Variants in GLI2 observed in about 807,000 individuals in gnomAD.
GLI2 encodes transcription activator GLI2.
A neutral mutation model predicts 78.9 loss-of-function variants in GLI2; 22 were observed. The ratio of observed to expected loss-of-function variants is 0.28; its 90% CI spans 0.20 to 0.40. The LOEUF is 0.40. GLI2 is among the 10% of genes least tolerant of loss of function. GLI2 has a pLI of 1.00. For synonymous variants in GLI2, 974 were observed against 963.7 expected (o/e 1.01, Z -0.20); for missense variants, 2,097 against 2,213.2 (o/e 0.95, Z 1.05).
chr2:120,991,710 C>T lies in GLI2; in HGVS notation c.*1035C>T, dbSNP rs1290613403. ...CCAGGGCCTGACGGCAGCCCGGTCCCCCAGCACTCACCAGCAGCCCAGTGT... is the reference window on the plus strand; with the variant it reads ...CCAGGGCCTGACGGCAGCCCGGTCCTCCAGCACTCACCAGCAGCCCAGTGT... On this transcript the variant is annotated 3_prime_UTR_variant, in exon 14 of 14. Coordinates refer to ENST00000361492, the MANE Select transcript of GLI2 (RefSeq NM_001374353.1). 6.5e-6 allele frequency: 1 copy of T among 152,886 alleles called. No homozygotes were observed. The highest frequency in any genetic ancestry group is 2.1e-4 in the South Asian group (1 of 4,832). 9.5% of individuals were successfully genotyped at this position (152,886 alleles called of 1,614,324 possible).
At chr2:120,925,339 A>T (rs1167487888) in intron 2 of GLI2, among the ~76,000 whole-genome samples, 1 of 152,212 alleles carries the variant, frequency 6.6e-6, no homozygotes, top group Admixed American at 6.5e-5. Context: ...ATGGAGTTGA[A>T]CATGTAAAAA....
chr2:120,841,531 C>G (rs964288850), intron 2 of GLI2, among the ~76,000 whole-genome samples: 3 of 152,236 alleles, frequency 2.0e-5, no homozygotes, highest in African/African-American at 7.2e-5. Flanking sequence ...AATCCACAAG[C>G]TTAAGGTAAG....
At chr2:120,854,405 C>T (rs770476419) in intron 2 of GLI2, among the ~76,000 whole-genome samples, 31 of 152,240 alleles carry the variant, frequency 2.0e-4, no homozygotes, top group Middle Eastern at 3.4e-3. Flanking sequence ...TTCCTGAGGC[C>T]GACAGGATGT....
intron 2 of GLI2, among the ~76,000 whole-genome samples, chr2:120,877,244 G>A (rs946806851): frequency 1.3e-5 from 2 of 152,176 alleles, no homozygotes; most frequent in Non-Finnish European, 2.9e-5. Context: ...AGATCAGACT[G>A]TGGACCCAAT....
chr2:120,740,715 G>A (rs927220525), intron 1 of GLI2, among the ~76,000 whole-genome samples: 9 of 152,146 alleles, frequency 5.9e-5, no homozygotes, highest in African/African-American at 1.7e-4. Context: ...AAGGTTTATT[G>A]ATTATGTTTT....
chr2:120,761,493 T>TTTTCTCCCCAC (rs1683210534), intron 1 of GLI2, among the ~76,000 whole-genome samples: 1 of 152,114 alleles, frequency 6.6e-6, no homozygotes, highest in African/African-American at 2.4e-5. Flanking sequence ...TCAGATTGGC[T>TTTTCTCCCCAC]CTAGACAAGG....
chr2:120,952,210 C>T (rs12711536), intron 4 of GLI2, among the ~76,000 whole-genome samples: 119,901 of 152,194 alleles, frequency 0.79, 52,076 homozygotes, highest in East Asian at 1. Flanking sequence ...CCGTGCCGCC[C>T]CTGAGAGCGC....
intron 5 of GLI2, among the ~76,000 whole-genome samples, chr2:120,965,018 A>G (rs553318420): frequency 6.6e-6 from 1 of 152,358 alleles, no homozygotes; most frequent in South Asian, 2.1e-4. Flanking sequence ...TAGCTGTTAA[A>G]TGAGTCAGTG....
intron 5 of GLI2, among the ~76,000 whole-genome samples, chr2:120,966,833 G>A (rs1377607206): frequency 2.0e-5 from 3 of 152,148 alleles, no homozygotes; most frequent in East Asian, 1.9e-4. Context: ...CCCTGCCCTC[G>A]GTGCTCCTGC....
chr2:120,885,504 G>A (rs746033570), intron 2 of GLI2, among the ~76,000 whole-genome samples: 51 of 152,350 alleles, frequency 3.3e-4, no homozygotes, highest in Non-Finnish European at 4.3e-4. Context: ...CTGGGGCAGC[G>A]TGTGTTTTCA....
intron 2 of GLI2, among the ~76,000 whole-genome samples, chr2:120,817,003 C>T (rs1250846787): frequency 1.3e-5 from 2 of 152,090 alleles, no homozygotes; most frequent in Non-Finnish European, 1.5e-5. Context: ...TTTGTATAAC[C>T]GTGCATCAGT....
rs766445509 is a variant in GLI2, at chr2:120,984,641, C to T, written c.1803C>T (p.Ala601=). 16 of 1,614,004 alleles carry T rather than the reference C, an allele frequency of 9.9e-6. No homozygotes were observed. Among genetic ancestry groups the T allele is most frequent in the East Asian group, 6.7e-5 (3 of 44,890 alleles). The part of the protein sequence containing the change: ...PLLKENGDSE[A]GTEPGGPEST... ...TCAAAGAGAATGGGGACAGTGAGGC[C>T]GGCACGGAGCCTGGCGGCCCAGAGA... is the stretch of plus-strand genomic sequence containing the variant. The change falls in exon 12 of 14, where the codon GCC becomes GCT. Residue 601 remains alanine (A), a synonymous_variant. Coordinates refer to ENST00000361492, the MANE Select transcript of GLI2 (RefSeq NM_001374353.1).
intron 2 of GLI2, among the ~76,000 whole-genome samples, chr2:120,877,659 T>G (rs1237245446): frequency 1.3e-5 from 2 of 152,242 alleles, no homozygotes; most frequent in Non-Finnish European, 2.9e-5. Context: ...TGCTTTCTTA[T>G]GTTTAGGGGA....
intron 2 of GLI2, among the ~76,000 whole-genome samples, chr2:120,898,345 A>G (rs183847232): frequency 1.8e-3 from 270 of 152,366 alleles, no homozygotes; most frequent in Non-Finnish European, 2.6e-3. Flanking sequence ...CAGTGAAAAT[A>G]AATATCTAAA....
intron 10 of GLI2, among the ~76,000 whole-genome samples, chr2:120,980,884 A>AT (rs58013537): frequency 2.1e-3 from 308 of 146,582 alleles, no homozygotes; most frequent in Admixed American, 3.5e-3. Context: ...TTTGGAGTTA[A>AT]TTTTTTTTTT....
chr2:120,796,238 C>G (rs1482781574), intron 1 of GLI2, among the ~76,000 whole-genome samples: 1 of 152,158 alleles, frequency 6.6e-6, no homozygotes, highest in African/African-American at 2.4e-5. Context: ...CCCTCCTTAT[C>G]TAGTCTGTAG....
intron 2 of GLI2, among the ~76,000 whole-genome samples, chr2:120,879,601 C>T (rs1206592887): frequency 1.3e-5 from 2 of 152,186 alleles, no homozygotes; most frequent in African/African-American, 2.4e-5. Context: ...CTGGACAGCA[C>T]TCTCAGGTGA....
At chr2:120,823,594 C>T (rs1385682366) in intron 2 of GLI2, among the ~76,000 whole-genome samples, 2 of 152,190 alleles carry the variant, frequency 1.3e-5, no homozygotes, top group Non-Finnish European at 2.9e-5. Flanking sequence ...GGGGAGCACA[C>T]AGAAGTGGGT....
intron 1 of GLI2, among the ~76,000 whole-genome samples, chr2:120,758,275 G>T (rs1558782411): frequency 1.3e-5 from 2 of 152,250 alleles, no homozygotes; most frequent in Admixed American, 1.3e-4. Context: ...GCTTTTCTGA[G>T]GGCTTTGTGC....
Sources: gnomAD v4.1 joint callset for allele counts (sites outside exome capture counted in the v4.1 genomes callset) on GRCh38, gnomAD v4.1.1 for gene constraint, MANE v1.5 for transcripts, NCBI Gene and HGNC (gene_info 2026-07-23, HGNC 2026-07-21) for gene names.